The following DICER1 variants were observed in gnomAD, a reference collection of about 807,000 sequenced individuals.
DICER1 encodes the protein dicer 1, ribonuclease III, also known as endoribonuclease Dicer.
Under a neutral mutation model 194.1 loss-of-function variants are expected in DICER1, and 43 were observed. The observed-to-expected ratio is 0.22, with a 90% CI of 0.17 to 0.29. DICER1 has a LOEUF of 0.29. Among genes scored for constraint, DICER1 ranks in the 10% least tolerant of loss-of-function variants. The pLI is 1.00. For synonymous variants in DICER1, 832 were observed against 820.5 expected (o/e 1.01, Z -0.24); for missense variants, 1,608 against 2,317.0 (o/e 0.69, Z 6.28).
chr14:95,132,831 G>A (rs112618147), intron 2 of DICER1, among the ~76,000 whole-genome samples, 154 bp from the exon 3 acceptor site: 77 of 152,200 alleles, frequency 5.1e-4, no homozygotes, highest in African/African-American at 1.7e-3. Flanking sequence ...GTCTTTATAC[G>A]AGAATAACTC....
chr14:95,145,425 T>A (rs906042497), intron 1 of DICER1, among the ~76,000 whole-genome samples: 9 of 152,250 alleles, frequency 5.9e-5, no homozygotes, highest in African/African-American at 2.2e-4. Context: ...GTGTACTACT[T>A]ACTGGCTGGA....
At chr14:95,119,846 C>T (rs914430045) in intron 8 of DICER1, among the ~76,000 whole-genome samples, 1 of 152,166 alleles carries the variant, frequency 6.6e-6, no homozygotes, top group Admixed American at 6.5e-5. Flanking sequence ...TATAAAATTA[C>T]TGTCAAACTG....
chr14:95,141,160 G>A (rs1309649772), intron 1 of DICER1: 1 of 152,184 alleles, frequency 6.6e-6, no homozygotes, highest in Non-Finnish European at 1.5e-5. Flanking sequence ...GTACTTGGCT[G>A]AGAAATCCAA....
rs1262283122 is a variant in DICER1, at chr14:95,087,370, A to G, written c.*3128T>C. ...AAGAAATATAACAAACATTTTAAAA[A>G]CATAATTAAGAGTTCAGTTAACAAA... On this transcript the variant is annotated 3_prime_UTR_variant, in exon 27 of 27. Transcript: ENST00000343455. The G allele has an allele frequency of 4.3e-6, 1 of 233,292 alleles. No individual in the cohort carries two copies. Among genetic ancestry groups the G allele is most frequent in the Non-Finnish European group, 8.5e-6 (1 of 117,910 alleles). The allele number at this position is 233,292 out of a possible 1,614,324, so 14.5% of individuals were successfully genotyped here.
chr14:95,096,720 C>T lies in DICER1; in HGVS notation c.4207-7G>A, dbSNP rs561542587. 1.6e-5 allele frequency: 25 copies of T among 1,597,114 alleles called. No individual in the cohort carries two copies. The highest frequency in any genetic ancestry group is 1.1e-4 in the African/African-American group (8 of 74,242). On this transcript the variant is annotated splice_polypyrimidine_tract_variant and splice_region_variant and intron_variant, in intron 22 of 26. Transcript: ENST00000343455. ...CCAGCATGCAGTCTTTTGTCTGAAA[C>T]GAGGGGGAATGGGGAAGGAGGGGAA...
chr14:95,106,209 T>A lies in DICER1; in HGVS notation c.2819A>T (p.Asp940Val). Reference protein sequence around the residue: ...AVIIPRYRNFDQPHRFYVADV... With the variant: ...AVIIPRYRNFVQPHRFYVADV... ...AGCTACATAAAATCGATGAGGCTGA[T>A]CAAAATTGCGATATCTAAAAAAGAA... The change falls in exon 18 of 27, where the codon GAT (aspartate) becomes GTT (valine). Residue 940 changes from aspartate (D) to valine (V), a missense_variant. Coordinates refer to ENST00000343455, the MANE Select transcript of DICER1 (RefSeq NM_177438.3). 6.2e-7 allele frequency: 1 copy of A among 1,613,910 alleles called. No individual in the cohort carries two copies. Among genetic ancestry groups the A allele is most frequent in the Non-Finnish European group, 8.5e-7 (1 of 1,179,838 alleles).
At chr14:95,121,172 C>T (rs1892910011) in intron 8 of DICER1, among the ~76,000 whole-genome samples, 1 of 152,086 alleles carries the variant, frequency 6.6e-6, no homozygotes, top group Non-Finnish European at 1.5e-5. Flanking sequence ...GACCTGTACT[C>T]CTGAAGACTG....
intron 14 of DICER1, 106 bp from the exon 15 acceptor site, chr14:95,108,609 G>T: frequency 9.6e-7 from 1 of 1,047,100 alleles, no homozygotes; most frequent in Non-Finnish European, 1.5e-6. Context: ...AAGCTGATGA[G>T]AATAAGCTAA....
chr14:95,095,602 G>A (rs1890233744), intron 23 of DICER1: 2 of 584,422 alleles, frequency 3.4e-6, no homozygotes, highest in Non-Finnish European at 6.2e-6. Flanking sequence ...ACTGATGAGG[G>A]TATATGATAG....
Position 95,103,457 on chromosome 14 carries a change from C to T in DICER1, c.3939G>A (p.Glu1313=), listed in dbSNP as rs191567701. 1.2e-5 allele frequency: 20 copies of T among 1,614,226 alleles called. No individual in the cohort carries two copies. In the Admixed American group the frequency reaches 2.5e-4, roughly 20 times the overall value. ...AGGAGTCGCCAAGCATTTCAAGCCG[C>T]TCCAGGTTAAATCCATCACTAGCGT... The part of the protein sequence containing the change: ...LSNASDGFNL[E]RLEMLGDSFL... Residue 1313 remains glutamate (E), a synonymous_variant, in exon 21 of 27, where the codon GAG becomes GAA. Transcript: ENST00000343455.
rs1891382140 is a variant in DICER1 at position 95,105,955 on chromosome 14, G to A, written c.2987+86C>T. On this transcript the variant is annotated intron_variant, in intron 18 of 26. Coordinates refer to ENST00000343455, the MANE Select transcript of DICER1 (RefSeq NM_177438.3). This position sits in a 1 kb window ranked among gnomAD's most constrained non-coding sequence, Gnocchi z 4.9. ...ATTTCAGATAGTCCACGGGTGGGCA[G>A]GGGGACAGTGAACCTCTGCATGTCT... 2.0e-6 allele frequency: 3 copies of A among 1,499,128 alleles called. No individual in the cohort carries two copies. The highest frequency in any genetic ancestry group is 1.7e-5 in the Admixed American group (1 of 59,880). The allele number at this position is 1,499,128 out of a possible 1,614,324, so 92.9% of individuals were successfully genotyped here.
chr14:95,151,730 A>C (rs1895526113), intron 1 of DICER1, among the ~76,000 whole-genome samples: 1 of 152,232 alleles, frequency 6.6e-6, no homozygotes, highest in South Asian at 2.1e-4. Flanking sequence ...AAATACCATG[A>C]ATCAGAGCAA....
intron 6 of DICER1, among the ~76,000 whole-genome samples, chr14:95,127,099 G>T (rs1317966921): frequency 1.3e-5 from 2 of 152,190 alleles, no homozygotes; most frequent in Admixed American, 1.3e-4. Flanking sequence ...TCCACACACA[G>T]GGAGGATGAC....
In DICER1 at chr14:95,144,402, AC is replaced by A. The variant is rs1895005737; in HGVS notation, c.-45-10900del. 2.0e-5 allele frequency among the ~76,000 whole-genome samples: 3 copies of A among 151,984 alleles called. No individual in the cohort carries two copies. In the South Asian group the frequency reaches 6.2e-4, roughly 32 times the overall value. ...TCAGAATACCAAGGTTTAAATCCAG[AC>A]TCCACTACCTCGCTAACATTGTTTA... On this transcript the variant is annotated intron_variant, in intron 1 of 26. Transcript: ENST00000343455.
At chr14:95,154,379 T>G (rs146703152) in intron 1 of DICER1, among the ~76,000 whole-genome samples, 45 of 152,342 alleles carry the variant, frequency 3.0e-4, no homozygotes, top group Middle Eastern at 3.4e-3. Flanking sequence ...AGGGAAAGCA[T>G]GGACTCCAAT....
intron 8 of DICER1, among the ~76,000 whole-genome samples, chr14:95,119,049 C>T (rs1198463748): frequency 6.6e-6 from 1 of 152,126 alleles, no homozygotes; most frequent in African/African-American, 2.4e-5. Flanking sequence ...AGCAGTGTTA[C>T]ATGCAAACAA....
At position 95,096,620 on chromosome 14, in the gene DICER1, C is replaced by T. The variant is rs1595342315; in HGVS notation, c.4300G>A (p.Glu1434Lys). The stretch of plus-strand genomic sequence containing the variant: ...AAATCATCTTCATAGTCAGCCTCTT[C>T]CTTCGGAGCCCTCCACATCAGGCTC... ...EESLMWRAPK[E>K]EADYEDDFLE... Residue 1434 changes from glutamate to lysine, a missense_variant, in exon 23 of 27, where the codon GAA becomes AAA. Glu to Lys is a moderately conservative substitution (Grantham distance 56, BLOSUM62 1). This residue lies in a region of DICER1 where 164 missense variants were observed against 183.7 expected (regional missense o/e 0.89). Coordinates refer to ENST00000343455, the MANE Select transcript of DICER1 (RefSeq NM_177438.3). 6.2e-7 allele frequency: 1 copy of T among 1,611,696 alleles called. No individual in the cohort carries two copies. The highest frequency in any genetic ancestry group is 1.1e-5 in the South Asian group (1 of 90,650).
intron 1 of DICER1, among the ~76,000 whole-genome samples, chr14:95,149,319 A>C (rs935812339): frequency 4.6e-5 from 7 of 152,248 alleles, no homozygotes; most frequent in Non-Finnish European, 1.0e-4. Context: ...CAAATATATT[A>C]AAAGGTCCAG....
Position 95,135,716 on chromosome 14 carries a change from G to A in DICER1, c.-45-2213C>T, listed in dbSNP as rs564192731. 3.4e-4 allele frequency among the ~76,000 whole-genome samples: 52 copies of A among 152,264 alleles called. 1 individual carries two copies. In the South Asian group the frequency reaches 9.5e-3, roughly 28 times the overall value. On this transcript the variant is annotated intron_variant, in intron 1 of 26. Coordinates refer to ENST00000343455, the MANE Select transcript of DICER1 (RefSeq NM_177438.3). Reference sequence around the variant, plus strand: ...TATTACGTCCTCCAGGTTCATCTGCGTTTTTGCAAATGGCAGGATTTCCTT... The same window carrying A: ...TATTACGTCCTCCAGGTTCATCTGCATTTTTGCAAATGGCAGGATTTCCTT...
Sources: allele counts gnomAD v4.1 joint callset (sites outside exome capture counted in the v4.1 genomes callset), GRCh38; gene constraint gnomAD v4.1.1; regional missense constraint gnomAD v4.1.1; non-coding constraint Gnocchi (gnomAD v3.1); transcripts MANE v1.5; gene names NCBI Gene and HGNC (gene_info 2026-07-23, HGNC 2026-07-21).